Variants in UNC5D observed in about 807,000 individuals in gnomAD.
UNC5D encodes the protein unc-5 netrin receptor D.
Under a neutral mutation model 105.4 loss-of-function variants are expected in UNC5D, and 39 were observed. The observed-to-expected ratio is 0.37, with a 90% CI of 0.29 to 0.48. UNC5D has a LOEUF of 0.48. Ranked by LOEUF, UNC5D falls within the 20% of genes least tolerant of loss-of-function variation. UNC5D has a pLI of 0.98. For missense variants in UNC5D, 991 were observed against 1,202.4 expected (o/e 0.82, Z 2.60); for synonymous variants, 452 against 450.4 (o/e 1.00, Z -0.04).
intron 1 of UNC5D, among the ~76,000 whole-genome samples, chr8:35,259,900 T>C (rs1478900530): frequency 6.6e-6 from 1 of 152,110 alleles, no homozygotes; most frequent in African/African-American, 2.4e-5. Flanking sequence ...TGTTCCGCTG[T>C]AGCTGGAATT....
At chr8:35,283,625 C>T (rs747581811) in intron 1 of UNC5D, among the ~76,000 whole-genome samples, 11 of 151,696 alleles carry the variant, frequency 7.3e-5, no homozygotes, top group Non-Finnish European at 1.0e-4. Flanking sequence ...AAAACCCTGT[C>T]TCTCCTAAAA....
intron 3 of UNC5D, among the ~76,000 whole-genome samples, chr8:35,569,065 A>T (rs955767892): frequency 2.6e-5 from 4 of 152,162 alleles, no homozygotes; most frequent in Admixed American, 6.5e-5. Flanking sequence ...AAAAAAAAAA[A>T]AAAATACACA....
intron 7 of UNC5D, among the ~76,000 whole-genome samples, chr8:35,700,344 G>T (rs150607566): frequency 1.9e-4 from 29 of 151,834 alleles, no homozygotes; most frequent in Non-Finnish European, 4.4e-5. Context: ...CTCTGTGGTC[G>T]CAGTGTCACA....
At chr8:35,709,679 G>A (rs1229640999) in intron 8 of UNC5D, among the ~76,000 whole-genome samples, 2 of 152,156 alleles carry the variant, frequency 1.3e-5, no homozygotes, top group Non-Finnish European at 2.9e-5. Context: ...AACAGAGCAA[G>A]ACTGTCTCAA....
At chr8:35,413,279 GTGTGTGTGTGTGT>G (rs1485699291) in intron 1 of UNC5D, among the ~76,000 whole-genome samples, 1 of 21,144 alleles carries the variant, frequency 4.7e-5, no homozygotes, top group Non-Finnish European at 1.4e-4. Flanking sequence ...GTGTGTGTGT[GTGTGTGTGTGTGT>G]TGTGTGTGTG....
intron 1 of UNC5D, among the ~76,000 whole-genome samples, chr8:35,432,798 T>C (rs1007505620): frequency 6.6e-6 from 1 of 152,200 alleles, no homozygotes; most frequent in African/African-American, 2.4e-5. Flanking sequence ...CACCAAATAG[T>C]TGACTGTCCT....
At chr8:35,648,210 C>T (rs1044821267) in intron 4 of UNC5D, among the ~76,000 whole-genome samples, 1 of 152,056 alleles carries the variant, frequency 6.6e-6, no homozygotes, top group African/African-American at 2.4e-5. Context: ...TTGTATGTCC[C>T]ATTATACTTA....
At chr8:35,482,842 C>T (rs951785198) in intron 1 of UNC5D, among the ~76,000 whole-genome samples, 2 of 131,966 alleles carry the variant, frequency 1.5e-5, no homozygotes, top group African/African-American at 6.1e-5. Context: ...TGCTCTCGTC[C>T]CCCAGGCTGG....
rs956797817 is a variant in UNC5D, at chr8:35,623,824, T to C, written c.570+28167T>C. On this transcript the variant is annotated intron_variant, in intron 4 of 16. Transcript: ENST00000404895. ...GGCCGGGCGCAGTGGCTCACGCCTGTAATCCCAGCACTTTGGGAGGCTGAG... is the reference window on the plus strand; with the variant it reads ...GGCCGGGCGCAGTGGCTCACGCCTGCAATCCCAGCACTTTGGGAGGCTGAG... Among the ~76,000 whole-genome samples the C allele has an allele frequency of 1.2e-4, 19 of 152,222 alleles. 1 individual carries two copies. Among genetic ancestry groups the C allele is most frequent in the Non-Finnish European group, 1.0e-4 (7 of 68,028 alleles).
chr8:35,265,433 T>C (rs1804793929), intron 1 of UNC5D, among the ~76,000 whole-genome samples: 1 of 152,260 alleles, frequency 6.6e-6, no homozygotes, highest in African/African-American at 2.4e-5. Flanking sequence ...GAAAAGCAGC[T>C]ATAGACAATC....
chr8:35,650,042 G>A (rs1429631701), intron 4 of UNC5D, among the ~76,000 whole-genome samples: 1 of 152,170 alleles, frequency 6.6e-6, no homozygotes, highest in Non-Finnish European at 1.5e-5. Flanking sequence ...ATTGGTATAT[G>A]AGGGTAGTGT....
intron 1 of UNC5D, among the ~76,000 whole-genome samples, chr8:35,335,574 A>G (rs1810960871): frequency 6.6e-6 from 1 of 152,110 alleles, no homozygotes; most frequent in Non-Finnish European, 1.5e-5. Context: ...TTAAGCTTAT[A>G]TCTCAGGAAA....
At chr8:35,485,046 A>G (rs979529473) in intron 1 of UNC5D, among the ~76,000 whole-genome samples, 24 of 152,204 alleles carry the variant, frequency 1.6e-4, no homozygotes, top group African/African-American at 5.8e-4. Context: ...TATGGTAGCA[A>G]CACTCTAACT....
chr8:35,261,996 T>A (rs1467882272), intron 1 of UNC5D, among the ~76,000 whole-genome samples: 1 of 152,216 alleles, frequency 6.6e-6, no homozygotes. Flanking sequence ...TGATCTCTTT[T>A]TATTGACCTG....
At chr8:35,475,160 T>C (rs1308572432) in intron 1 of UNC5D, among the ~76,000 whole-genome samples, 1 of 152,000 alleles carries the variant, frequency 6.6e-6, no homozygotes, top group Non-Finnish European at 1.5e-5. Context: ...TGGAGAAAAG[T>C]ATTAAAGGAG....
At chr8:35,477,398 C>G (rs1400751003) in intron 1 of UNC5D, among the ~76,000 whole-genome samples, 4 of 151,236 alleles carry the variant, frequency 2.6e-5, no homozygotes, top group African/African-American at 9.7e-5. Flanking sequence ...TGGATATTTA[C>G]TGGCATAGTT....
intron 11 of UNC5D, among the ~76,000 whole-genome samples, chr8:35,733,317 A>C (rs1829293967): frequency 6.6e-6 from 1 of 152,242 alleles, no homozygotes; most frequent in Non-Finnish European, 1.5e-5. Context: ...CATCTCTGCA[A>C]GGAGGCTCCT....
chr8:35,310,612 T>C (rs1311580927), intron 1 of UNC5D, among the ~76,000 whole-genome samples: 1 of 151,906 alleles, frequency 6.6e-6, no homozygotes, highest in East Asian at 1.9e-4. Context: ...TGAGACCCTG[T>C]CTCAAAAAAA....
chr8:35,274,717 A>G (rs1010642897), intron 1 of UNC5D, among the ~76,000 whole-genome samples: 1 of 152,198 alleles, frequency 6.6e-6, no homozygotes, highest in Non-Finnish European at 1.5e-5. Flanking sequence ...TTGTGTTTGT[A>G]TTTGAAATAT....
Sources: gnomAD v4.1 joint callset for allele counts (sites outside exome capture counted in the v4.1 genomes callset) on GRCh38, gnomAD v4.1.1 for gene constraint, MANE v1.5 for transcripts, NCBI Gene and HGNC (gene_info 2026-07-23, HGNC 2026-07-21) for gene names.